The following SMC2 variants were observed in gnomAD, a reference collection of about 807,000 sequenced individuals.
The protein encoded by SMC2 is structural maintenance of chromosomes 2.
Under a neutral mutation model 142.6 loss-of-function variants are expected in SMC2, and 41 were observed. That is an observed-to-expected ratio of 0.29 (90% CI 0.22 to 0.37). The LOEUF (loss-of-function observed/expected upper bound fraction) is 0.37, where lower values mean the gene tolerates loss of function less well. SMC2 is among the 10% of genes least tolerant of loss of function. The probability of loss-of-function intolerance (pLI) is 1.00; values close to 1 mark genes in which losing one functional copy is unlikely to be tolerated. For synonymous variants in SMC2, 463 were observed against 457.5 expected, an observed-to-expected ratio of 1.01 and a Z score of -0.15; for missense variants, 1,265 against 1,373.7, an observed-to-expected ratio of 0.92 and a Z score of 1.25.
Position 104,113,422 on chromosome 9 carries a change from T to TA in SMC2, c.1366dup (p.Arg456LysfsTer3). 1 of 1,604,976 alleles carries TA rather than the reference T, an allele frequency of 6.2e-7. No individual in the cohort carries two copies. Among genetic ancestry groups the TA allele is most frequent in the Non-Finnish European group, 8.5e-7 (1 of 1,176,474 alleles). On this transcript the variant is annotated frameshift_variant, in exon 11 of 25. Coordinates refer to ENST00000374793, the MANE Select transcript of SMC2 (RefSeq NM_006444.3). LOFTEE classifies it high-confidence loss of function. ...AAGGATCAAGAAGCTCTAGAAGCTG[T>TA]AAAAAGACTTAAAGAAAAACTTGAA...
intron 16 of SMC2, among the ~76,000 whole-genome samples, chr9:104,122,470 GTT>G (rs200031432): frequency 6.3e-5 from 9 of 143,152 alleles, no homozygotes; most frequent in African/African-American, 2.0e-4. Flanking sequence ...TATAAGTTTT[GTT>G]TTTTTTTTTT....
At chr9:104,123,912 C>T (rs1161031443) in intron 17 of SMC2, among the ~76,000 whole-genome samples, 1 of 152,162 alleles carries the variant, frequency 6.6e-6, no homozygotes, top group East Asian at 1.9e-4. Flanking sequence ...AAATTTTTGT[C>T]ATTCATTAGG....
chr9:104,094,190 C>A (rs1248436247), upstream of SMC2: 1 of 393,004 alleles, frequency 2.5e-6, no homozygotes, highest in East Asian at 3.6e-5. Context: ...ATTCTATTGC[C>A]CTGCGGCTTT....
chr9:104,102,688 G>C, intron 9 of SMC2, 115 bp downstream of exon 9: 2 of 1,120,644 alleles, frequency 1.8e-6, no homozygotes, highest in Non-Finnish European at 2.4e-6. Context: ...GCTAAGTACA[G>C]TTGTTTGGGC....
intron 5 of SMC2, 55 bp downstream of exon 5, chr9:104,099,737 C>T (rs1053348261): frequency 1.9e-6 from 2 of 1,070,610 alleles, no homozygotes; most frequent in African/African-American, 3.2e-5. Flanking sequence ...TTACTTTAAT[C>T]TTTCAGACAA....
At chr9:104,105,835 T>A (rs943099141) in intron 9 of SMC2, among the ~76,000 whole-genome samples, 1 of 152,184 alleles carries the variant, frequency 6.6e-6, no homozygotes, top group African/African-American at 2.4e-5. Context: ...ATGTCATATC[T>A]AACATCTTAT....
At position 104,139,546 on chromosome 9, in the gene SMC2, G is replaced by GT. The variant is rs1280930500; in HGVS notation, c.*238dup. 3 of 354,960 alleles carry GT rather than the reference G, an allele frequency of 8.5e-6. No homozygotes were observed. Among genetic ancestry groups the GT allele is most frequent in the Non-Finnish European group, 1.0e-5 (2 of 199,514 alleles). The allele number at this position is 354,960 out of a possible 1,614,324, so 22.0% of individuals were successfully genotyped here. A position where few individuals can be genotyped will look rare whatever the true frequency, so the allele number is the denominator to read the frequency against. On this transcript the variant is annotated 3_prime_UTR_variant, in exon 25 of 25. Transcript: ENST00000374793. ...TGTGATTTTATGCATATCATCAAAT[G>GT]TTTTTTTCTTATGCGGGTCTTTTAT... is the stretch of plus-strand genomic sequence containing the variant.
At chr9:104,128,288 A>G (rs1834538753) in intron 20 of SMC2, among the ~76,000 whole-genome samples, 2 of 152,370 alleles carry the variant, frequency 1.3e-5, no homozygotes, top group Admixed American at 6.5e-5. Flanking sequence ...TTTCATGGCT[A>G]CATTATAATC....
chr9:104,138,262 G>A (rs1835765088), intron 24 of SMC2, 97 bp downstream of exon 24: 1 of 980,004 alleles, frequency 1.0e-6, no homozygotes, highest in South Asian at 2.5e-5. Flanking sequence ...AGATATTTAG[G>A]GTTGATAAAT....
chr9:104,094,554 C>T (rs1175816959), intron 1 of SMC2, 77 bp downstream of exon 1: 1 of 280,604 alleles, frequency 3.6e-6, no homozygotes, highest in Non-Finnish European at 6.2e-6. Flanking sequence ...GGAGGCGGGG[C>T]GCGGGGCGCG....
intron 20 of SMC2, among the ~76,000 whole-genome samples, chr9:104,129,304 A>G (rs1177425448): frequency 1.3e-5 from 2 of 152,096 alleles, no homozygotes; most frequent in East Asian, 3.9e-4. Flanking sequence ...GGAGTTCCAG[A>G]TCAGCCTGAC....
At chr9:104,122,048 T>G (rs2131465677) in intron 16 of SMC2, among the ~76,000 whole-genome samples, 1 of 152,336 alleles carries the variant, frequency 6.6e-6, no homozygotes, top group African/African-American at 2.4e-5. Context: ...GCATTTTACC[T>G]TCATGAATAT....
chr9:104,126,220 CTCGGTGCCAA>C (rs535272395), intron 18 of SMC2, among the ~76,000 whole-genome samples: 65 of 152,238 alleles, frequency 4.3e-4, no homozygotes, highest in Non-Finnish European at 7.4e-5. Flanking sequence ...AAATCTGGTC[CTCGGTGCCAA>C]AAAGGTTGGG....
Position 104,113,326 on chromosome 9 carries a change from A to C in SMC2, c.1265A>C (p.Lys422Thr). The C allele has an allele frequency of 6.2e-7, 1 of 1,604,908 alleles. No homozygotes were observed. Among genetic ancestry groups the C allele is most frequent in the Non-Finnish European group, 8.5e-7 (1 of 1,176,348 alleles). ...AQTEAKQAQM[K>T]LKHAQQELKN... is the part of the protein sequence containing the mutation. ...ATTTTTCTGCCACAGGCTCAGATGA[A>C]GTTGAAGCATGCTCAACAGGAATTA... The change falls in exon 11 of 25, where the codon AAG becomes ACG. Residue 422 changes from lysine (K) to threonine (T), a missense_variant. By Grantham distance (78) the Lys-to-Thr change is moderately conservative. Transcript: ENST00000374793.
intron 15 of SMC2, among the ~76,000 whole-genome samples, chr9:104,118,949 T>G (rs1255083556): frequency 1.3e-5 from 2 of 152,178 alleles, no homozygotes; most frequent in African/African-American, 4.8e-5. Flanking sequence ...TATTATGATC[T>G]CTAATATACA....
chr9:104,102,624 C>G, intron 9 of SMC2, 51 bp downstream of exon 9: 2 of 1,534,524 alleles, frequency 1.3e-6, no homozygotes, highest in South Asian at 2.5e-5. Context: ...AGTATATAGT[C>G]TCATTAGTGT....
In SMC2 at chr9:104,094,496, C is replaced by T. The variant is rs1830218964; in HGVS notation, c.-62+19C>T. The stretch of plus-strand genomic sequence containing the variant: ...GGCAGCGGTGAGGCGTGTGCGTGAG[C>T]ACGGCCGGTTGGGCCGGGCCAGACT... On this transcript the variant is annotated intron_variant, in intron 1 of 24. Coordinates refer to ENST00000374793, the MANE Select transcript of SMC2 (RefSeq NM_006444.3). The T allele has an allele frequency of 2.7e-6, 1 of 368,832 alleles. No individual in the cohort carries two copies. Among genetic ancestry groups the T allele is most frequent in the African/African-American group, 2.1e-5 (1 of 46,846 alleles). The allele number at this position is 368,832 out of a possible 1,614,324, so 22.8% of individuals were successfully genotyped here. A position where few individuals can be genotyped will look rare whatever the true frequency, so the allele number is the denominator to read the frequency against.
Position 104,139,255 on chromosome 9 carries a change from G to C in SMC2, c.3534G>C (p.Lys1178Asn), listed in dbSNP as rs1835864040. The change falls in exon 25 of 25, where the codon AAG becomes AAC. Residue 1178 changes from lysine to asparagine, a missense_variant. Transcript: ENST00000374793. ...GATTTACTCAATGTCAAAATGGAAAGATTTCAAAGGAAGCAAAATCCAAGG... is the reference window on the plus strand; with the variant it reads ...GATTTACTCAATGTCAAAATGGAAACATTTCAAAGGAAGCAAAATCCAAGG... ...VARFTQCQNG[K>N]ISKEAKSKAK... 6.2e-7 allele frequency: 1 copy of C among 1,601,102 alleles called. No individual in the cohort carries two copies. Among genetic ancestry groups the C allele is most frequent in the African/African-American group, 1.4e-5 (1 of 73,790 alleles).
At position 104,139,219 on chromosome 9, in the gene SMC2, T is replaced by C. The variant is rs1407420198; in HGVS notation, c.3498T>C (p.Ser1166=). The part of the protein sequence containing the change: ...LFKTKFVDGV[S]TVARFTQCQN... ...AAACCAAGTTTGTGGATGGTGTTTC[T>C]ACAGTAGCCAGATTTACTCAATGTC... is the stretch of plus-strand genomic sequence containing the variant. The change falls in exon 25 of 25, where the codon TCT becomes TCC. Residue 1166 remains serine, a synonymous_variant. Coordinates refer to ENST00000374793, the MANE Select transcript of SMC2 (RefSeq NM_006444.3). 1.2e-6 allele frequency: 2 copies of C among 1,603,216 alleles called. No homozygotes were observed. The highest frequency in any genetic ancestry group is 1.7e-6 in the Non-Finnish European group (2 of 1,176,228).
Sources: allele counts gnomAD v4.1 joint callset (sites outside exome capture counted in the v4.1 genomes callset), GRCh38; gene constraint gnomAD v4.1.1; transcripts MANE v1.5; gene names NCBI Gene and HGNC (gene_info 2026-07-23, HGNC 2026-07-21).